Variants in MINK1 observed in about 807,000 individuals in gnomAD.
MINK1 encodes the protein misshapen like kinase 1, also known as misshapen-like kinase 1.
A neutral mutation model predicts 178.4 loss-of-function variants in MINK1; 46 were observed. The ratio of observed to expected loss-of-function variants is 0.26; its 90% CI spans 0.20 to 0.33. MINK1 has a LOEUF of 0.33. Among genes scored for constraint, MINK1 ranks in the 10% least tolerant of loss-of-function variants. The pLI is 1.00. For synonymous variants in MINK1, 797 were observed against 709.7 expected, an observed-to-expected ratio of 1.12 and a Z score of -1.96; for missense variants, 1,366 against 1,814.9, an observed-to-expected ratio of 0.75 and a Z score of 4.49.
At chr17:4,853,229 A>G (rs865942045) in intron 1 of MINK1, among the ~76,000 whole-genome samples, 13 of 5,986 alleles carry the variant, frequency 2.2e-3, no homozygotes, top group East Asian at 4.8e-3. Context: ...GTGGTTGGTG[A>G]GGGAGTGTGG....
rs112465713 is a variant in MINK1 at position 4,894,137 on chromosome 17, C to A, written c.2671-37C>A. The A allele has an allele frequency of 6.2e-7, 1 of 1,611,578 alleles. No homozygotes were observed. The highest frequency in any genetic ancestry group is 8.5e-7 in the Non-Finnish European group (1 of 1,178,542). ...CCTCCCCTGTACCTGTGTGTGCCCT[C>A]CTCAGCCCCACGCCAACCCTGCCCT... On this transcript the variant is annotated intron_variant, in intron 22 of 31. Coordinates refer to ENST00000355280, the MANE Select transcript of MINK1 (RefSeq NM_153827.5). The surrounding 1 kb of genome is among the most constrained non-coding windows in gnomAD (Gnocchi z 4.1).
At chr17:4,841,588 G>A (rs889487047) in intron 1 of MINK1, among the ~76,000 whole-genome samples, 5 of 150,600 alleles carry the variant, frequency 3.3e-5, no homozygotes, top group African/African-American at 4.9e-5. Context: ...TTACAATTTA[G>A]CATTGGCTTA....
rs1043562355 is a variant in MINK1, at chr17:4,889,833, G to T, written c.1347+70G>T. The T allele has an allele frequency of 3.0e-6, 3 of 993,132 alleles. No homozygotes were observed. The Admixed American group carries it at 1.1e-4, about 38-fold the overall frequency. The allele number at this position is 993,132 out of a possible 1,614,324, so 61.5% of individuals were successfully genotyped here. A position where few individuals can be genotyped will look rare whatever the true frequency, so the allele number is the denominator to read the frequency against. On this transcript the variant is annotated intron_variant, in intron 13 of 31. Transcript: ENST00000355280. ...CTGCTGCCTGCCGCCCCTGCTCCCCGTGCCCTTCCCCCTTCTCTCCCCCAC... is the reference window on the plus strand; with the variant it reads ...CTGCTGCCTGCCGCCCCTGCTCCCCTTGCCCTTCCCCCTTCTCTCCCCCAC...
chr17:4,839,404 T>A (rs991840625), intron 1 of MINK1, among the ~76,000 whole-genome samples: 1 of 152,230 alleles, frequency 6.6e-6, no homozygotes, highest in Non-Finnish European at 1.5e-5. Context: ...CTTCGACACC[T>A]ACTTTTTACT....
At chr17:4,880,816 C>T (rs1444808726) in intron 2 of MINK1, among the ~76,000 whole-genome samples, 168 bp from the exon 3 acceptor site, 2 of 151,850 alleles carry the variant, frequency 1.3e-5, no homozygotes, top group East Asian at 2.0e-4. Flanking sequence ...AGGAGAATGG[C>T]GTGAACCCGG....
At chr17:4,851,736 C>T (rs1256176154) in intron 1 of MINK1, among the ~76,000 whole-genome samples, 2 of 152,048 alleles carry the variant, frequency 1.3e-5, no homozygotes, top group Admixed American at 6.6e-5. Flanking sequence ...CGTGGTGGCT[C>T]ACGCCTGTAA....
intron 1 of MINK1, among the ~76,000 whole-genome samples, chr17:4,851,498 C>A (rs548874498): frequency 7.8e-4 from 118 of 152,248 alleles, no homozygotes; most frequent in African/African-American, 2.7e-3. Context: ...TCGCTGTCTG[C>A]CCCCCTGCGA....
At position 4,889,751 on chromosome 17, in the gene MINK1, G is replaced by A. The variant is rs761158332; in HGVS notation, c.1335G>A (p.Ala445=). The A allele has an allele frequency of 4.5e-6, 7 of 1,540,008 alleles. No individual in the cohort carries two copies. Among genetic ancestry groups the A allele is most frequent in the Admixed American group, 2.0e-5 (1 of 50,860 alleles). The stretch of plus-strand genomic sequence containing the variant: ...GGCGGGAGGAGGAGCGGCGGCAGGC[G>A]GAGCGCGAGCAGGTAGAGCGCCGCA... ...ALRREEERRQ[A]EREQEYKRKQ... is the part of the protein sequence containing the mutation. The change falls in exon 13 of 32, where the codon GCG becomes GCA. Residue 445 remains alanine, a synonymous_variant. Coordinates refer to ENST00000355280, the MANE Select transcript of MINK1 (RefSeq NM_153827.5).
intron 20 of MINK1, 60 bp from the exon 21 acceptor site, chr17:4,893,373 CT>C: frequency 6.2e-7 from 1 of 1,609,192 alleles, no homozygotes; most frequent in Admixed American, 1.7e-5. Flanking sequence ...TCCCGGCACC[CT>C]TTGTCTACCT....
chr17:4,849,375 G>A (rs1354769833), intron 1 of MINK1, among the ~76,000 whole-genome samples: 1 of 152,190 alleles, frequency 6.6e-6, no homozygotes, highest in East Asian at 1.9e-4. Flanking sequence ...TTGTTGGGAT[G>A]TGAGAGACAA....
intron 1 of MINK1, among the ~76,000 whole-genome samples, chr17:4,837,200 A>T (rs935092207): frequency 4.6e-5 from 7 of 152,130 alleles, no homozygotes; most frequent in African/African-American, 1.7e-4. Context: ...CAACAACAAC[A>T]ACTACAACAA....
chr17:4,851,126 G>T (rs932937121), intron 1 of MINK1: 1 of 422,356 alleles, frequency 2.4e-6, no homozygotes, highest in Admixed American at 2.6e-5. Flanking sequence ...TCCCAGTAAC[G>T]CCAACAGTTT....
At position 4,891,508 on chromosome 17, in the gene MINK1, G is replaced by A. The variant is rs1166428542; in HGVS notation, c.1793G>A (p.Arg598Gln). 8.1e-6 allele frequency: 13 copies of A among 1,611,146 alleles called. No individual in the cohort carries two copies. The highest frequency in any genetic ancestry group is 1.7e-4 in the Middle Eastern group (1 of 6,054). ...PLKPYAAPVP[R>Q]SQSLQDQPTR... ...AAGCCATATGCAGCACCTGTACCCC[G>A]ATCCCAGTCCCTGCAGGACCAGCCC... Residue 598 changes from arginine to glutamine, a missense_variant, in exon 16 of 32, where the codon CGA becomes CAA. Physicochemically the swap from Arg to Gln is conservative, Grantham distance 43. Transcript: ENST00000355280.
chr17:4,896,317 G>A lies in MINK1; in HGVS notation c.3590G>A (p.Ser1197Asn). The change falls in exon 29 of 32, where the codon AGC (serine) becomes AAC (asparagine). Residue 1197 changes from serine (S) to asparagine (N), a missense_variant. Around this residue, in one of 14 missense-constraint regions of MINK1, gnomAD observed 201 missense variants for 240.7 expected, o/e 0.84. Transcript: ENST00000355280. The surrounding 1 kb of genome is among the most constrained non-coding windows in gnomAD (Gnocchi z 4.6). Reference sequence around the variant, plus strand: ...GCTGTGGATGTCGACTCGGGGAACAGCTATGACATCTACATCCCTGTGCAC... The same window carrying A: ...GCTGTGGATGTCGACTCGGGGAACAACTATGACATCTACATCCCTGTGCAC... ...FHAVDVDSGNSYDIYIPVHIQ... is the reference protein window; with the variant it reads ...FHAVDVDSGNNYDIYIPVHIQ... The A allele has an allele frequency of 1.2e-6, 2 of 1,600,054 alleles. No individual in the cohort carries two copies. The highest frequency in any genetic ancestry group is 1.7e-4 in the Middle Eastern group (1 of 5,970).
At chr17:4,889,840 TC>T in intron 13 of MINK1, 77 bp downstream of exon 13, 9 of 969,456 alleles carry the variant, frequency 9.3e-6, no homozygotes, top group Non-Finnish European at 1.3e-5. Context: ...CCCGTGCCCT[TC>T]CCCCTTCTCT....
rs1968175044 is a variant in MINK1, at chr17:4,886,132, T to A, written c.707T>A (p.Met236Lys). ...MAEGAPPLCD[M>K]HPMRALFLIP... is the part of the protein sequence containing the mutation. ...CCTCTGTGTCCAGCTCTGTGTGACATGCACCCCATGCGAGCCCTCTTCCTC... is the reference window on the plus strand; with the variant it reads ...CCTCTGTGTCCAGCTCTGTGTGACAAGCACCCCATGCGAGCCCTCTTCCTC... The change falls in exon 9 of 32, where the codon ATG becomes AAG. Residue 236 changes from methionine to lysine, a missense_variant. Coordinates refer to ENST00000355280, the MANE Select transcript of MINK1 (RefSeq NM_153827.5). The surrounding 1 kb of genome is among the most constrained non-coding windows in gnomAD (Gnocchi z 6.1). 6.2e-7 allele frequency: 1 copy of A among 1,613,808 alleles called. No homozygotes were observed. Among genetic ancestry groups the A allele is most frequent in the Non-Finnish European group, 8.5e-7 (1 of 1,179,870 alleles).
intron 1 of MINK1, among the ~76,000 whole-genome samples, chr17:4,849,042 A>G (rs998306519): frequency 2.6e-5 from 4 of 152,134 alleles, no homozygotes; most frequent in Admixed American, 6.5e-5. Flanking sequence ...CACCCAGTCT[A>G]TTGATTTTAA....
rs1344373599 is a variant in MINK1 at position 4,884,310 on chromosome 17, G to A, written c.307-53G>A. On this transcript the variant is annotated intron_variant, in intron 4 of 31. Transcript: ENST00000355280. Reference sequence around the variant, plus strand: ...CTAGCAGGGGATTGGGGCAGGGGTGGGAGGGCTTGTCTGACTGATACTTTT... The same window carrying A: ...CTAGCAGGGGATTGGGGCAGGGGTGAGAGGGCTTGTCTGACTGATACTTTT... 2.8e-6 allele frequency: 4 copies of A among 1,431,624 alleles called. No homozygotes were observed. In the Admixed American group the frequency reaches 6.8e-5, roughly 24 times the overall value. The allele number at this position is 1,431,624 out of a possible 1,614,324, so 88.7% of individuals were successfully genotyped here.
chr17:4,860,723 G>T (rs1408648187), intron 1 of MINK1: 2 of 520,052 alleles, frequency 3.8e-6, no homozygotes, highest in South Asian at 2.8e-5. Flanking sequence ...CTCAAGGCTG[G>T]TGTGTGCCTG....
Sources: allele counts gnomAD v4.1 joint callset (sites outside exome capture counted in the v4.1 genomes callset), GRCh38; gene constraint gnomAD v4.1.1; regional missense constraint gnomAD v4.1.1; non-coding constraint Gnocchi (gnomAD v3.1); transcripts MANE v1.5; gene names NCBI Gene and HGNC (gene_info 2026-07-23, HGNC 2026-07-21).